The following SPEF2 variants were observed in gnomAD, a reference collection of about 807,000 sequenced individuals.
SPEF2 encodes the protein sperm flagellar and cilia associated 2, also known as sperm flagella and cilia-associated protein 2.
In SPEF2, 187 loss-of-function variants were observed where a neutral mutation model predicts 224.6. That is an observed-to-expected ratio of 0.83 (90% CI 0.74 to 0.94). The LOEUF is 0.94. Ranked by LOEUF, SPEF2 falls within the 40% of genes least tolerant of loss-of-function variation. The probability of loss-of-function intolerance (pLI) is 0.00; values close to 1 mark genes in which losing one functional copy is unlikely to be tolerated. For missense variants in SPEF2, 2,170 were observed against 2,135.6 expected, an observed-to-expected ratio of 1.02 and a Z score of -0.32; for synonymous variants, 715 against 707.3, an observed-to-expected ratio of 1.01 and a Z score of -0.17.
intron 10 of SPEF2, among the ~76,000 whole-genome samples, chr5:35,681,930 A>ACGT (rs1334393805): frequency 2.0e-5 from 3 of 152,324 alleles, no homozygotes; most frequent in East Asian, 3.9e-4. Context: ...GACTTCCTGG[A>ACGT]CGTCTTGAAT....
At chr5:35,638,953 T>C (rs1746211983) in intron 2 of SPEF2, among the ~76,000 whole-genome samples, 1 of 152,156 alleles carries the variant, frequency 6.6e-6, no homozygotes, top group African/African-American at 2.4e-5. Flanking sequence ...TGTACCAAAG[T>C]GGCTCTTATT....
At chr5:35,770,573 C>T (rs1752692950) in intron 26 of SPEF2, among the ~76,000 whole-genome samples, 2 of 152,236 alleles carry the variant, frequency 1.3e-5, no homozygotes, top group South Asian at 4.2e-4. Flanking sequence ...TATGCTTTGA[C>T]TTTTTAAGAT....
intron 2 of SPEF2, among the ~76,000 whole-genome samples, chr5:35,637,348 C>T (rs564460633): frequency 6.6e-6 from 1 of 152,226 alleles, no homozygotes; most frequent in South Asian, 2.1e-4. Flanking sequence ...TTTGGAGGTT[C>T]TCACTCTGCC....
chr5:35,749,549 T>C (rs539989562), intron 23 of SPEF2, among the ~76,000 whole-genome samples: 2 of 152,198 alleles, frequency 1.3e-5, no homozygotes, highest in African/African-American at 2.4e-5. Flanking sequence ...AGTTCTTCTA[T>C]ACACCAACAT....
At chr5:35,683,276 TC>T (rs1753093480) in intron 10 of SPEF2, among the ~76,000 whole-genome samples, 1 of 152,088 alleles carries the variant, frequency 6.6e-6, no homozygotes, top group Non-Finnish European at 1.5e-5. Flanking sequence ...ATACTATGGT[TC>T]CAGGAATTCA....
intron 30 of SPEF2, among the ~76,000 whole-genome samples, chr5:35,786,395 C>A (rs376593066): frequency 6.6e-6 from 1 of 152,124 alleles, no homozygotes; most frequent in South Asian, 2.1e-4. Flanking sequence ...CGTGGTGGCT[C>A]ACGCCAGTAA....
chr5:35,619,679 AAAACAAACAAAAAACAAAACAAAC>A (rs1743226499), intron 1 of SPEF2, among the ~76,000 whole-genome samples: 1 of 148,752 alleles, frequency 6.7e-6, no homozygotes, highest in Admixed American at 6.6e-5. Context: ...TCTGTCTCAA[AAAACAAACAAAAAACAAAACAAAC>A]AAACAAACAA....
chr5:35,789,938 C>A (rs1755719228), intron 30 of SPEF2: 1 of 702,546 alleles, frequency 1.4e-6, no homozygotes, highest in African/African-American at 1.7e-5. Context: ...AGCAAGAAAG[C>A]AAGCTGAGGA....
intron 30 of SPEF2, chr5:35,791,054 CT>C (rs1674223583): frequency 1.3e-5 from 2 of 152,146 alleles, no homozygotes; most frequent in South Asian, 4.1e-4. Flanking sequence ...TGCTTTGAGC[CT>C]CTTCACGGTT....
intron 10 of SPEF2, among the ~76,000 whole-genome samples, chr5:35,686,349 G>A (rs1753620568): frequency 6.6e-6 from 1 of 151,906 alleles, no homozygotes; most frequent in South Asian, 2.1e-4. Flanking sequence ...TCTATTCTTT[G>A]TCTTTGATAG....
intron 2 of SPEF2, among the ~76,000 whole-genome samples, chr5:35,639,593 C>T (rs573693998): frequency 6.6e-6 from 1 of 151,748 alleles, no homozygotes; most frequent in East Asian, 1.9e-4. Flanking sequence ...GAATACTCAT[C>T]TAACTCTGAA....
chr5:35,627,871 T>A (rs1385828473), intron 1 of SPEF2, among the ~76,000 whole-genome samples: 1 of 152,142 alleles, frequency 6.6e-6, no homozygotes, highest in Non-Finnish European at 1.5e-5. Context: ...AAGTCAGTTT[T>A]CCCCTGGGCT....
chr5:35,628,593 T>C (rs1274275465), intron 2 of SPEF2, 31 bp downstream of exon 2: 5 of 1,482,044 alleles, frequency 3.4e-6, no homozygotes, highest in Non-Finnish European at 4.7e-6. Flanking sequence ...TTGTTGTTGT[T>C]GTTGTTTATT....
chr5:35,705,868 GTT>G (rs969832854), intron 18 of SPEF2, 60 bp downstream of exon 18: 1 of 1,103,362 alleles, frequency 9.1e-7, no homozygotes, highest in African/African-American at 1.6e-5. Flanking sequence ...TTTTTAATGA[GTT>G]TGGTAGGAAA....
At chr5:35,672,159 T>C (rs1245286835) in intron 10 of SPEF2, among the ~76,000 whole-genome samples, 1 of 151,306 alleles carries the variant, frequency 6.6e-6, no homozygotes, top group Non-Finnish European at 1.5e-5. Flanking sequence ...TCCACGTTTG[T>C]CATTATTAAA....
intron 28 of SPEF2, 89 bp downstream of exon 28, chr5:35,774,110 G>C: frequency 2.0e-6 from 3 of 1,500,684 alleles, no homozygotes; most frequent in Non-Finnish European, 2.7e-6. Context: ...AATTGCCTCA[G>C]ACCATGTCTA....
chr5:35,774,035 CG>C lies in SPEF2; in HGVS notation c.4078+15del. ...TGCAATTTGAAGGTAGCGATTGAAA[CG>C]ACTAAGATGATGCTTTTCAGTAGAA... On this transcript the variant is annotated intron_variant, in intron 28 of 36. Coordinates refer to ENST00000356031, the MANE Select transcript of SPEF2 (RefSeq NM_024867.4). 1 of 1,609,022 alleles carries C rather than the reference CG, an allele frequency of 6.2e-7. No homozygotes were observed. The highest frequency in any genetic ancestry group is 8.5e-7 in the Non-Finnish European group (1 of 1,178,030).
chr5:35,790,055 T>C (rs1755740196), intron 30 of SPEF2: 1 of 702,614 alleles, frequency 1.4e-6, no homozygotes, highest in Admixed American at 2.0e-5. Flanking sequence ...TGACCTGGGA[T>C]TTTGTGAATT....
At chr5:35,649,511 A>G in intron 6 of SPEF2, 86 bp downstream of exon 6, 1 of 1,036,536 alleles carries the variant, frequency 9.6e-7, no homozygotes, top group Non-Finnish European at 1.4e-6. Flanking sequence ...TTTATCTGGA[A>G]GAGCTATTCC....
Sources: gnomAD v4.1 joint callset for allele counts (sites outside exome capture counted in the v4.1 genomes callset) on GRCh38, gnomAD v4.1.1 for gene constraint, MANE v1.5 for transcripts, NCBI Gene and HGNC (gene_info 2026-07-23, HGNC 2026-07-21) for gene names.